The following EIF5A variants were observed in gnomAD, a reference collection of about 807,000 sequenced individuals.
EIF5A encodes eukaryotic translation initiation factor 5A, also known as eukaryotic translation initiation factor 5A-1.
A neutral mutation model predicts 16.6 loss-of-function variants in EIF5A; 1 was observed. The ratio of observed to expected loss-of-function variants is 0.06; its 90% CI spans 0.02 to 0.28. The LOEUF is 0.28. Among genes scored for constraint, EIF5A ranks in the 10% least tolerant of loss-of-function variants. The pLI is 1.00. For synonymous variants in EIF5A, 80 were observed against 73.6 expected (o/e 1.09, Z -0.44); for missense variants, 29 against 196.1 (o/e 0.15, Z 5.09).
At chr17:7,307,217 T>C, upstream of EIF5A, 1 of 1,344,066 alleles carries the variant, frequency 7.4e-7, no homozygotes, top group Admixed American at 2.5e-5. Flanking sequence ...TTTCAACGCC[T>C]GGCGTACTGA....
rs1336042582 is a variant in EIF5A, at chr17:7,310,018, T to C, written c.165+218T>C. On this transcript the variant is annotated intron_variant, in intron 2 of 5. Transcript: ENST00000336458. ...TTACCCTTCTGTCCCCGCATCATTC[T>C]CTGGCAGTCCCTCCGTTTCTCCAGC... is the stretch of plus-strand genomic sequence containing the variant. 4 of 1,517,070 alleles carry C rather than the reference T, an allele frequency of 2.6e-6. No homozygotes were observed. The African/African-American group carries it at 4.1e-5, about 16-fold the overall frequency. The allele number at this position is 1,517,070 out of a possible 1,614,324, so 94.0% of individuals were successfully genotyped here. A position where few individuals can be genotyped will look rare whatever the true frequency, so the allele number is the denominator to read the frequency against.
In EIF5A at chr17:7,312,240, A is replaced by ACCG. The variant is rs2072854365; in HGVS notation, c.*432_*433insGCC. 5.8e-6 allele frequency: 1 copy of ACCG among 171,864 alleles called. No individual in the cohort carries two copies. Among genetic ancestry groups the ACCG allele is most frequent in the African/African-American group, 2.6e-5 (1 of 38,614 alleles). The allele number at this position is 171,864 out of a possible 1,614,324, so 10.6% of individuals were successfully genotyped here. On this transcript the variant is annotated 3_prime_UTR_variant, in exon 6 of 6. Coordinates refer to ENST00000336458, the MANE Select transcript of EIF5A (RefSeq NM_001970.5). ...CCTATAGCCCTTTACCCTGAGCACC[A>ACCG]CCCCAACAGACTGGGGACCAGCCCC...
Position 7,311,878 on chromosome 17 carries a change from C to G in EIF5A, c.*68C>G. The G allele has an allele frequency of 1.5e-6, 1 of 647,190 alleles. No individual in the cohort carries two copies. The highest frequency in any genetic ancestry group is 2.8e-5 in the East Asian group (1 of 35,856). The allele number at this position is 647,190 out of a possible 1,614,324, so 40.1% of individuals were successfully genotyped here. A position where few individuals can be genotyped will look rare whatever the true frequency, so the allele number is the denominator to read the frequency against. On this transcript the variant is annotated 3_prime_UTR_variant, in exon 6 of 6. Transcript: ENST00000336458. ...ACCTGCAGAGGCCCCCTCCCCGAGC[C>G]TGGCCTGGCTCTGGCCCGGTCCTAA...
At chr17:7,307,054 G>C (rs750012727), upstream of EIF5A, 4 of 1,601,136 alleles carry the variant, frequency 2.5e-6, no homozygotes, top group East Asian at 9.0e-5. Flanking sequence ...CGCATGTGTG[G>C]AACTGGGGGG....
At chr17:7,307,095 A>G (rs777104749), upstream of EIF5A, 1 of 1,602,194 alleles carries the variant, frequency 6.2e-7, no homozygotes, top group South Asian at 1.1e-5. Context: ...CCCACCCCAC[A>G]GAGCAAGTTT....
At chr17:7,308,783 C>CT (rs2072718649) in intron 1 of EIF5A, among the ~76,000 whole-genome samples, 1 of 152,140 alleles carries the variant, frequency 6.6e-6, no homozygotes, top group Non-Finnish European at 1.5e-5. Flanking sequence ...GTCCTTAACT[C>CT]TACTAGCCTA....
At chr17:7,307,266 C>A, upstream of EIF5A, 1 of 1,183,770 alleles carries the variant, frequency 8.4e-7, no homozygotes, top group Non-Finnish European at 1.1e-6. Context: ...GGATTCCGAA[C>A]ACGCATGCGT....
At chr17:7,307,826 G>A in intron 1 of EIF5A, 74 bp downstream of exon 1, 2 of 987,592 alleles carry the variant, frequency 2.0e-6, no homozygotes, top group Non-Finnish European at 2.4e-6. Context: ...CGCGGGGGTC[G>A]GGGAGGGGGC....
intron 1 of EIF5A, 138 bp from the exon 2 acceptor site, chr17:7,309,477 A>C: frequency 8.6e-7 from 1 of 1,157,198 alleles, no homozygotes; most frequent in Non-Finnish European, 1.2e-6. Context: ...TCAGTATTTT[A>C]AGTTCAGGAA....
In EIF5A at chr17:7,310,897, A is replaced by C. The variant is rs2072805323; in HGVS notation, c.166-121A>C. On this transcript the variant is annotated intron_variant, in intron 2 of 5. Transcript: ENST00000336458. ...TTGAGTTGACTGGTTCAATTCCAAC[A>C]CTCCAGTCTTTGCCCCAACAATGTA... 13 of 1,443,348 alleles carry C rather than the reference A, an allele frequency of 9.0e-6. 1 individual carries two copies. In the South Asian group the frequency reaches 1.9e-4, roughly 22 times the overall value. The allele number at this position is 1,443,348 out of a possible 1,614,324, so 89.4% of individuals were successfully genotyped here.
chr17:7,311,014 A>G lies in EIF5A; in HGVS notation c.166-4A>G. The G allele has an allele frequency of 1.2e-6, 2 of 1,612,440 alleles. No individual in the cohort carries two copies. The highest frequency in any genetic ancestry group is 1.7e-6 in the Non-Finnish European group (2 of 1,179,060). On this transcript the variant is annotated splice_region_variant and splice_polypyrimidine_tract_variant and intron_variant, in intron 2 of 5. Transcript: ENST00000336458. Reference sequence around the variant, plus strand: ...GGGTTTCTCTTTGTGATGCATACATACAGGTCCATCTGGTTGGTATTGACA... The same window carrying G: ...GGGTTTCTCTTTGTGATGCATACATGCAGGTCCATCTGGTTGGTATTGACA...
At chr17:7,307,319 G>C (rs889970487), upstream of EIF5A, 5 of 1,178,132 alleles carry the variant, frequency 4.2e-6, no homozygotes, top group Non-Finnish European at 5.5e-6. Context: ...GGAGTGCAGG[G>C]CTCCTTATTG....
intron 1 of EIF5A, among the ~76,000 whole-genome samples, chr17:7,309,207 T>G (rs1420984126): frequency 1.5e-5 from 2 of 131,538 alleles, no homozygotes; most frequent in Non-Finnish European, 3.3e-5. Context: ...AGCCCTGCCC[T>G]TTTGCTGGAT....
intron 2 of EIF5A, chr17:7,310,171 G>A (rs1304262736): frequency 1.5e-6 from 2 of 1,295,276 alleles, no homozygotes; most frequent in East Asian, 5.4e-5. Flanking sequence ...CCATCACGTT[G>A]CCCAGGGTTT....
In EIF5A at chr17:7,309,797, C is replaced by G. The variant is rs1422484649; in HGVS notation, c.162C>G (p.Ala54=). The G allele has an allele frequency of 6.2e-7, 1 of 1,614,238 alleles. No individual in the cohort carries two copies. The highest frequency in any genetic ancestry group is 1.7e-5 in the Admixed American group (1 of 60,028). Residue 54 remains alanine, a synonymous_variant, in exon 2 of 6, where the codon GCC becomes GCG. Transcript: ENST00000336458. ...CGAAGACTGGCAAGCACGGCCACGC[C>G]AAGGTTAGAATTTCACCTCCGCATC... The part of the protein sequence containing the change: ...STSKTGKHGH[A]KVHLVGIDIF...
Position 7,312,353 on chromosome 17 carries a change from C to T in EIF5A, c.*543C>T. ...GGGGACCTGCCCCCTCCTCAGGCAT[C>T]TGGGAGGGCCCTGCCCCCATGGGCT... On this transcript the variant is annotated 3_prime_UTR_variant, in exon 6 of 6. Transcript: ENST00000336458. 1 of 197,868 alleles carries T rather than the reference C, an allele frequency of 5.1e-6. No individual in the cohort carries two copies. Among genetic ancestry groups the T allele is most frequent in the Non-Finnish European group, 1.2e-5 (1 of 85,848 alleles). 12.3% of individuals were successfully genotyped at this position (197,868 alleles called of 1,614,324 possible).
chr17:7,311,788 T>C (rs1181666206), intron 5 of EIF5A, 34 bp from the exon 6 acceptor site: 26 of 1,167,036 alleles, frequency 2.2e-5, no homozygotes, highest in Non-Finnish European at 2.9e-5. Flanking sequence ...TTGAAGGTAT[T>C]ATCCTGTCTT....
At chr17:7,310,456 TGTTTTTCCTTAATCA>T (rs1445118947) in intron 2 of EIF5A, 27 of 1,044,724 alleles carry the variant, frequency 2.6e-5, no homozygotes, top group Non-Finnish European at 2.8e-5. Context: ...TTTCTTGTGG[TGTTTTTCCTTAATCA>T]GTTTTTCCAT....
At chr17:7,307,949 C>T (rs1276167304) in intron 1 of EIF5A, 197 bp downstream of exon 1, 5 of 983,540 alleles carry the variant, frequency 5.1e-6, no homozygotes, top group African/African-American at 1.8e-5. Flanking sequence ...GGGGTTGGCC[C>T]GGTGACGTTG....
Sources: gnomAD v4.1 joint callset for allele counts (sites outside exome capture counted in the v4.1 genomes callset) on GRCh38, gnomAD v4.1.1 for gene constraint, MANE v1.5 for transcripts, NCBI Gene and HGNC (gene_info 2026-07-23, HGNC 2026-07-21) for gene names.